The following DHX16 variants were observed in gnomAD, a reference collection of about 807,000 sequenced individuals.
DHX16 encodes the protein pre-mRNA-splicing factor ATP-dependent RNA helicase DHX16.
A neutral mutation model predicts 131.2 loss-of-function variants in DHX16; 81 were observed. The ratio of observed to expected loss-of-function variants is 0.62; its 90% CI spans 0.52 to 0.74. The LOEUF is 0.74. DHX16 is among the 30% of genes least tolerant of loss of function. DHX16 has a pLI of 0.00. For missense variants in DHX16, 980 were observed against 1,363.1 expected (o/e 0.72, Z 4.43); for synonymous variants, 440 against 520.2 (o/e 0.85, Z 2.10).
In DHX16 at chr6:30,660,029, C is replaced by G; in HGVS notation, c.1755+3G>C. On this transcript the variant is annotated splice_donor_region_variant and intron_variant, in intron 10 of 19. Coordinates refer to ENST00000376442, the MANE Select transcript of DHX16 (RefSeq NM_003587.5). ...CTTAAGCCCATCCTCCCTGAGGGGG[C>G]ACCTTGGTGTAGAAGATGTCCACAG... The G allele has an allele frequency of 6.2e-7, 1 of 1,612,112 alleles. No homozygotes were observed. Among genetic ancestry groups the G allele is most frequent in the Non-Finnish European group, 8.5e-7 (1 of 1,179,358 alleles).
rs371865758 is a variant in DHX16 at position 30,670,902 on chromosome 6, C to A, written c.497G>T (p.Arg166Leu). The change falls in exon 3 of 20, where the codon CGG (arginine) becomes CTG (leucine). Residue 166 changes from arginine to leucine, a missense_variant. Transcript: ENST00000376442. The surrounding 1 kb of genome is among the most constrained non-coding windows in gnomAD (Gnocchi z 4.4). ...GTCCTGAAGGCGTTCACGCTCTGTC[C>A]GTTCCCACTCATCTTCCGACTCTGG... is the stretch of plus-strand genomic sequence containing the variant. Reference protein sequence around the residue: ...EKPESEDEWERTERERLQDLE... With the variant: ...EKPESEDEWELTERERLQDLE... 3 of 1,612,960 alleles carry A rather than the reference C, an allele frequency of 1.9e-6. No homozygotes were observed. The highest frequency in any genetic ancestry group is 2.5e-6 in the Non-Finnish European group (3 of 1,180,054).
Position 30,661,463 on chromosome 6 carries a change from T to C in DHX16, c.1544+1164A>G, listed in dbSNP as rs180948169. Reference sequence around the variant, plus strand: ...GGCCAGCAAGGCTGACTGGGGGTAATAGACCTGAGCTGCTGTGATTCAAAT... The same window carrying C: ...GGCCAGCAAGGCTGACTGGGGGTAACAGACCTGAGCTGCTGTGATTCAAAT... On this transcript the variant is annotated intron_variant, in intron 9 of 19. Coordinates refer to ENST00000376442, the MANE Select transcript of DHX16 (RefSeq NM_003587.5). Among the ~76,000 whole-genome samples, 638 of 152,254 alleles carry C rather than the reference T, an allele frequency of 4.2e-3. 3 individuals carry two copies. Among genetic ancestry groups the C allele is most frequent in the African/African-American group, 0.015 (629 of 41,548 alleles).
chr6:30,657,056 T>A lies in DHX16; in HGVS notation c.2044A>T (p.Thr682Ser). Residue 682 changes from threonine to serine, a missense_variant, in exon 13 of 20, where the codon ACC becomes TCC. Around this residue, in one of 3 missense-constraint regions of DHX16, gnomAD observed 309 missense variants for 537.1 expected, o/e 0.58. Coordinates refer to ENST00000376442, the MANE Select transcript of DHX16 (RefSeq NM_003587.5). ...VATNIAETSLTIEGIIYVLDP... is the reference protein window; with the variant it reads ...VATNIAETSLSIEGIIYVLDP... ...AGCACATAAATGATGCCCTCAATGG[T>A]GAGTGATGTCTCAGCAATGTTCGTT... 6.2e-7 allele frequency: 1 copy of A among 1,612,986 alleles called. No individual in the cohort carries two copies. The highest frequency in any genetic ancestry group is 1.1e-5 in the South Asian group (1 of 91,074).
intron 4 of DHX16, among the ~76,000 whole-genome samples, chr6:30,667,379 G>A (rs928018608): frequency 2.0e-5 from 3 of 151,946 alleles, no homozygotes; most frequent in African/African-American, 7.3e-5. Flanking sequence ...TCAGGAGATC[G>A]AGACCATCCT....
chr6:30,657,523 C>T (rs983782247), intron 12 of DHX16, among the ~76,000 whole-genome samples: 2 of 151,986 alleles, frequency 1.3e-5, no homozygotes, highest in Non-Finnish European at 2.9e-5. Context: ...CACTCCCCAT[C>T]CTTCAGTGGC....
rs556241821 is a variant in DHX16 at position 30,670,487 on chromosome 6, G to A, written c.610-21C>T. On this transcript the variant is annotated intron_variant, in intron 3 of 19. Transcript: ENST00000376442. The surrounding 1 kb of genome is among the most constrained non-coding windows in gnomAD (Gnocchi z 4.4). ...TAAGCCTAGAAGAAAAAACAAGAAT[G>A]GAGGGGTGTGAGGCCAAAGAGCCCC... The A allele has an allele frequency of 2.0e-5, 32 of 1,608,404 alleles. 1 individual carries two copies. In the East Asian group the frequency reaches 6.7e-4, roughly 34 times the overall value.
Position 30,671,053 on chromosome 6 carries a change from T to C in DHX16, c.429A>G (p.Lys143=), listed in dbSNP as rs770714769. ...EEEEEEEASE[K]GKKKTGGSKQ... ...TGACTTACCCTGTTTTCTTCTTCCC[T>C]TTCTCAGAAGCCTCTTCCTCCTCTT... The change falls in exon 2 of 20, where the codon AAA becomes AAG. Residue 143 remains lysine (K), a synonymous_variant. Transcript: ENST00000376442. The C allele has an allele frequency of 1.9e-6, 3 of 1,613,082 alleles. No individual in the cohort carries two copies. Among genetic ancestry groups the C allele is most frequent in the South Asian group, 1.1e-5 (1 of 91,088 alleles).
At position 30,665,609 on chromosome 6, in the gene DHX16, C is replaced by A. The variant is rs149882569; in HGVS notation, c.791G>T (p.Arg264Leu). 3 of 1,612,956 alleles carry A rather than the reference C, an allele frequency of 1.9e-6. No homozygotes were observed. The highest frequency in any genetic ancestry group is 1.7e-6 in the Non-Finnish European group (2 of 1,180,040). ...EFLFGDVELS[R>L]HERQELKYKR... ...ATATTTGAGCTCCTGCCGCTCGTGC[C>A]GGCTCAGCTCCACGTCCCCAAAAAG... Residue 264 changes from arginine to leucine, a missense_variant, in exon 5 of 20, where the codon CGG becomes CTG. Around this residue, in one of 3 missense-constraint regions of DHX16, gnomAD observed 457 missense variants for 554.8 expected, o/e 0.82. Coordinates refer to ENST00000376442, the MANE Select transcript of DHX16 (RefSeq NM_003587.5). The surrounding 1 kb of genome is among the most constrained non-coding windows in gnomAD (Gnocchi z 4.8).
intron 7 of DHX16, among the ~76,000 whole-genome samples, chr6:30,664,361 C>T (rs1054846818): frequency 6.6e-6 from 1 of 151,582 alleles, no homozygotes; most frequent in African/African-American, 2.4e-5. Flanking sequence ...CCTGTAATTC[C>T]AGCTACTCTG....
Position 30,656,450 on chromosome 6 carries a change from G to A in DHX16, c.2371C>T (p.Leu791=). ...AGAGCATACAGCTGCTCCAAAGCCAGCAGCAGTGTCTCATATGGTGGAGGG... is the reference window on the plus strand; with the variant it reads ...AGAGCATACAGCTGCTCCAAAGCCAACAGCAGTGTCTCATATGGTGGAGGG... The part of the protein sequence containing the change: ...LDPPPYETLL[L]ALEQLYALGA... Residue 791 remains leucine, a synonymous_variant, in exon 15 of 20, where the codon CTG becomes TTG. Transcript: ENST00000376442. The surrounding 1 kb of genome is among the most constrained non-coding windows in gnomAD (Gnocchi z 5.1). 6.2e-7 allele frequency: 1 copy of A among 1,614,208 alleles called. No homozygotes were observed. Among genetic ancestry groups the A allele is most frequent in the Non-Finnish European group, 8.5e-7 (1 of 1,180,036 alleles).
chr6:30,655,381 G>C, intron 17 of DHX16, 45 bp from the exon 18 acceptor site: 1 of 1,613,886 alleles, frequency 6.2e-7, no homozygotes, highest in Non-Finnish European at 8.5e-7. Flanking sequence ...TAAGTATACA[G>C]CAGGACTAAA....
At chr6:30,671,347 A>C (rs1458061408) in intron 1 of DHX16, 73 bp from the exon 2 acceptor site, 2 of 1,380,984 alleles carry the variant, frequency 1.4e-6, no homozygotes, top group Non-Finnish European at 2.0e-6. Context: ...CTCTGTTCCT[A>C]ATTTAAGCAA....
At chr6:30,661,955 G>T in intron 9 of DHX16, 1 of 701,000 alleles carries the variant, frequency 1.4e-6, no homozygotes, top group South Asian at 1.5e-5. Context: ...CACAGCCTCT[G>T]AAGAGTCAAA....
intron 4 of DHX16, among the ~76,000 whole-genome samples, chr6:30,669,528 C>G (rs1240606645): frequency 6.6e-6 from 1 of 151,902 alleles, no homozygotes; most frequent in African/African-American, 2.4e-5. Flanking sequence ...GAGGCCAAAG[C>G]AGGTGGATCA....
chr6:30,672,821 C>G lies in DHX16; in HGVS notation c.21G>C (p.Leu7=). The change falls in exon 1 of 20, where the codon CTG becomes CTC. Residue 7 remains leucine, a synonymous_variant. Coordinates refer to ENST00000376442, the MANE Select transcript of DHX16 (RefSeq NM_003587.5). The part of the protein sequence containing the change: MATPAG[L]ERWVQDELHS... ...GCAGCTCGTCCTGAACCCAGCGCTC[C>G]AGACCCGCCGGCGTCGCCATGGCGA... The G allele has an allele frequency of 4.3e-6, 7 of 1,612,370 alleles. No homozygotes were observed. Among genetic ancestry groups the G allele is most frequent in the Non-Finnish European group, 5.9e-6 (7 of 1,179,674 alleles).
At chr6:30,661,240 G>A (rs1302485812) in intron 9 of DHX16, among the ~76,000 whole-genome samples, 1 of 152,068 alleles carries the variant, frequency 6.6e-6, no homozygotes, top group Non-Finnish European at 1.5e-5. Flanking sequence ...CCGCCACCAC[G>A]CCCAGCTAAT....
chr6:30,665,275 C>G lies in DHX16; in HGVS notation c.922-1G>C. 1 of 1,602,046 alleles carries G rather than the reference C, an allele frequency of 6.2e-7. No homozygotes were observed. The highest frequency in any genetic ancestry group is 1.1e-5 in the South Asian group (1 of 90,878). On this transcript the variant is annotated splice_acceptor_variant, in intron 5 of 19. Transcript: ENST00000376442. LOFTEE classifies it high-confidence loss of function. The surrounding 1 kb of genome is among the most constrained non-coding windows in gnomAD (Gnocchi z 4.8). ...CCACTAGATCCACAGCTCGGGCTGG[C>G]TACAGAGAGAGGGGATATGTGAAGA...
chr6:30,655,777 G>A (rs542827328), intron 16 of DHX16, among the ~76,000 whole-genome samples, 180 bp from the exon 17 acceptor site: 1 of 152,268 alleles, frequency 6.6e-6, no homozygotes, highest in South Asian at 2.1e-4. Flanking sequence ...AAGGAAGTAG[G>A]GGCCATAGAT....
chr6:30,653,522 C>T (rs1175187948), intron 19 of DHX16, 152 bp from the exon 20 acceptor site: 2 of 742,642 alleles, frequency 2.7e-6, no homozygotes, highest in Non-Finnish European at 4.0e-6. Flanking sequence ...GTCCTACTGC[C>T]TCAGCCTCCC....
Sources: allele counts gnomAD v4.1 joint callset (sites outside exome capture counted in the v4.1 genomes callset), GRCh38; gene constraint gnomAD v4.1.1; regional missense constraint gnomAD v4.1.1; non-coding constraint Gnocchi (gnomAD v3.1); transcripts MANE v1.5; gene names NCBI Gene and HGNC (gene_info 2026-07-23, HGNC 2026-07-21).